ARHGEF7: variants seen among roughly 807,000 people sequenced by gnomAD.
ARHGEF7 encodes the protein Rho guanine nucleotide exchange factor 7, also known as PAK-interacting exchange factor beta.
Under a neutral mutation model 109.8 loss-of-function variants are expected in ARHGEF7, and 33 were observed. The ratio of observed to expected loss-of-function variants is 0.30; its 90% CI spans 0.23 to 0.40. The LOEUF is 0.40. Among genes scored for constraint, ARHGEF7 ranks in the 10% least tolerant of loss-of-function variants. The pLI is 1.00. For synonymous variants in ARHGEF7, 458 were observed against 424.6 expected (o/e 1.08, Z -0.97); for missense variants, 938 against 1,098.5 (o/e 0.85, Z 2.07).
intron 8 of ARHGEF7, among the ~76,000 whole-genome samples, chr13:111,247,823 G>C (rs756904395): frequency 3.1e-4 from 47 of 152,302 alleles, no homozygotes; most frequent in South Asian, 6.2e-4. Flanking sequence ...GATAGAAACT[G>C]TCTGGCTCAC....
chr13:111,291,345 C>T (rs1265374930), intron 18 of ARHGEF7, among the ~76,000 whole-genome samples: 2 of 152,260 alleles, frequency 1.3e-5, no homozygotes, highest in East Asian at 1.9e-4. Context: ...AACACTGGGA[C>T]GTTGCCAGTT....
rs531236558 is a variant in ARHGEF7 at position 111,188,628 on chromosome 13, G to A, written c.253-16661G>A. 1.6e-4 allele frequency among the ~76,000 whole-genome samples: 25 copies of A among 152,312 alleles called. 1 individual carries two copies. In the South Asian group the frequency reaches 5.2e-3, roughly 32 times the overall value. ...TTCTGTAAAACAGCAGCCGTTAGCA[G>A]TTATGTGATTACTGTGTTTAGAATT... On this transcript the variant is annotated intron_variant, in intron 2 of 21. Coordinates refer to ENST00000646102, the MANE Select transcript of ARHGEF7 (RefSeq NM_001354046.2).
chr13:111,261,484 A>G (rs1464001719), intron 8 of ARHGEF7, among the ~76,000 whole-genome samples: 2 of 152,246 alleles, frequency 1.3e-5, no homozygotes, highest in African/African-American at 4.8e-5. Flanking sequence ...TTAGAACTAA[A>G]GATAAACCCC....
rs377730759 is a variant in ARHGEF7, at chr13:111,287,129, G to T, written c.2044+889G>T. Among the ~76,000 whole-genome samples the T allele has an allele frequency of 8.5e-5, 13 of 152,314 alleles. No individual in the cohort carries two copies. In the East Asian group the frequency reaches 2.3e-3, roughly 27 times the overall value. On this transcript the variant is annotated intron_variant, in intron 17 of 21. Coordinates refer to ENST00000646102, the MANE Select transcript of ARHGEF7 (RefSeq NM_001354046.2). ...AGCCCAGTGAGGTGACCGTGCTGGGGTGTTCATTCTTTTCTTGTCCTTGTC... is the reference window on the plus strand; with the variant it reads ...AGCCCAGTGAGGTGACCGTGCTGGGTTGTTCATTCTTTTCTTGTCCTTGTC...
At chr13:111,188,954 C>T (rs1337611686) in intron 2 of ARHGEF7, among the ~76,000 whole-genome samples, 1 of 152,162 alleles carries the variant, frequency 6.6e-6, no homozygotes, top group African/African-American at 2.4e-5. Context: ...ATAAACAGTT[C>T]CTACATTTCA....
intron 3 of ARHGEF7, among the ~76,000 whole-genome samples, chr13:111,208,556 G>T (rs1594741013): frequency 6.6e-6 from 1 of 152,266 alleles, no homozygotes; most frequent in African/African-American, 2.4e-5. Context: ...ATGTCTTCAG[G>T]ATGGCCCTCC....
At chr13:111,197,462 C>T (rs1002069555) in intron 2 of ARHGEF7, among the ~76,000 whole-genome samples, 3 of 152,168 alleles carry the variant, frequency 2.0e-5, no homozygotes, top group South Asian at 2.1e-4. Flanking sequence ...CCCTTACTGA[C>T]GCATTCTTGA....
chr13:111,273,122 TTG>T lies in ARHGEF7; in HGVS notation c.1074-689_1074-688del, dbSNP rs1255519664. 1.3e-5 allele frequency among the ~76,000 whole-genome samples: 2 copies of T among 152,244 alleles called. No individual in the cohort carries two copies. The highest frequency in any genetic ancestry group is 2.9e-5 in the Non-Finnish European group (2 of 68,040). ...CAGGGACACCTTCCTTCCTTACGTGTTGTGAGGATTGAATGTAACAATGCTTT... is the reference window on the plus strand; with the variant it reads ...CAGGGACACCTTCCTTCCTTACGTGTTGAGGATTGAATGTAACAATGCTTT... On this transcript the variant is annotated intron_variant, in intron 9 of 21. Coordinates refer to ENST00000646102, the MANE Select transcript of ARHGEF7 (RefSeq NM_001354046.2). The surrounding 1 kb of genome is among the most constrained non-coding windows in gnomAD (Gnocchi z 4.5).
chr13:111,170,313 G>C (rs2077481722), intron 2 of ARHGEF7, among the ~76,000 whole-genome samples: 1 of 152,228 alleles, frequency 6.6e-6, no homozygotes, highest in African/African-American at 2.4e-5. Flanking sequence ...GGCCAGGCTG[G>C]TCTTGAACTC....
intron 2 of ARHGEF7, chr13:111,182,428 A>G (rs1000344815): frequency 2.6e-5 from 4 of 152,370 alleles, no homozygotes; most frequent in African/African-American, 9.7e-5. Context: ...GTGTGACTCC[A>G]TCCGCCTTTA....
chr13:111,180,642 C>CT (rs1175315385), intron 2 of ARHGEF7, among the ~76,000 whole-genome samples: 2 of 152,140 alleles, frequency 1.3e-5, no homozygotes, highest in Non-Finnish European at 1.5e-5. Context: ...TGCCCAGTGT[C>CT]TAACATTTAC....
chr13:111,200,165 T>C (rs1106830), intron 2 of ARHGEF7, among the ~76,000 whole-genome samples: 2 of 151,704 alleles, frequency 1.3e-5, no homozygotes, highest in Admixed American at 1.3e-4. Flanking sequence ...GAGGGGTCCT[T>C]ACCAGCCTTG....
chr13:111,286,458 G>A (rs987561351), intron 17 of ARHGEF7, among the ~76,000 whole-genome samples: 8 of 152,230 alleles, frequency 5.3e-5, no homozygotes, highest in African/African-American at 9.6e-5. Context: ...TGCCAGTCCC[G>A]GCACCACTGC....
intron 5 of ARHGEF7, among the ~76,000 whole-genome samples, chr13:111,221,257 ATATAGATATATATGTCTATATATATC>A (rs2083908101): frequency 3.5e-5 from 2 of 57,088 alleles, no homozygotes; most frequent in African/African-American, 1.7e-4. Flanking sequence ...ATATATATCT[ATATAGATATATATGTCTATATATATC>A]TATATAGATA....
chr13:111,253,389 G>A (rs2090025854), intron 8 of ARHGEF7, among the ~76,000 whole-genome samples: 1 of 152,198 alleles, frequency 6.6e-6, no homozygotes, highest in African/African-American at 2.4e-5. Context: ...ATGATAGAAA[G>A]GAGGTTAAAT....
At chr13:111,122,129 G>A (rs541703870) in intron 1 of ARHGEF7, among the ~76,000 whole-genome samples, 46 of 152,346 alleles carry the variant, frequency 3.0e-4, no homozygotes, top group African/African-American at 1.0e-3. Flanking sequence ...GACCACCATT[G>A]TCTGGGTTGG....
Position 111,241,133 on chromosome 13 carries a change from C to T in ARHGEF7, c.760-2739C>T, listed in dbSNP as rs991127359. On this transcript the variant is annotated intron_variant, in intron 6 of 21. Transcript: ENST00000646102. ...TTGCCTCTCCATGCCTCGTGACCCC[C>T]GGGAAGCTGGCACTGGCTGAGCTCA... The T allele has an allele frequency of 4.7e-5, 71 of 1,525,308 alleles. No homozygotes were observed. In the Admixed American group the frequency reaches 1.1e-3, roughly 23 times the overall value. 94.5% of individuals were successfully genotyped at this position (1,525,308 alleles called of 1,614,324 possible).
chr13:111,223,180 T>G (rs1223291663), intron 5 of ARHGEF7, among the ~76,000 whole-genome samples: 2 of 152,184 alleles, frequency 1.3e-5, no homozygotes, highest in African/African-American at 4.8e-5. Flanking sequence ...GGTGGGCGGC[T>G]ATATTGCATT....
In ARHGEF7 at chr13:111,145,767, G is replaced by T. The variant is rs2075559288; in HGVS notation, c.166-8138G>T. On this transcript the variant is annotated intron_variant, in intron 1 of 21. Coordinates refer to ENST00000646102, the MANE Select transcript of ARHGEF7 (RefSeq NM_001354046.2). The surrounding 1 kb of genome is among the most constrained non-coding windows in gnomAD (Gnocchi z 4.3). ...CAGAGAGCAGGGAAGCCTGGTTGATGCAGTCCTCAGAGGCTGGTGCAGGTT... is the reference window on the plus strand; with the variant it reads ...CAGAGAGCAGGGAAGCCTGGTTGATTCAGTCCTCAGAGGCTGGTGCAGGTT... Among the ~76,000 whole-genome samples the T allele has an allele frequency of 6.6e-6, 1 of 152,222 alleles. No individual in the cohort carries two copies. The highest frequency in any genetic ancestry group is 2.4e-5 in the African/African-American group (1 of 41,454).
Sources: gnomAD v4.1 joint callset for allele counts (sites outside exome capture counted in the v4.1 genomes callset) on GRCh38, gnomAD v4.1.1 for gene constraint, Gnocchi (gnomAD v3.1) non-coding constraint, MANE v1.5 for transcripts, NCBI Gene and HGNC (gene_info 2026-07-23, HGNC 2026-07-21) for gene names.